The following DLG1 variants were observed in gnomAD, a reference collection of about 807,000 sequenced individuals.
DLG1 encodes the protein disks large homolog 1.
DLG1 carries 42 observed loss-of-function variants against 123.4 expected under a neutral mutation model. The ratio of observed to expected loss-of-function variants is 0.34; its 90% CI spans 0.27 to 0.44. DLG1 has a LOEUF of 0.44. DLG1 is among the 20% of genes least tolerant of loss of function. DLG1 has a pLI of 1.00. For synonymous variants in DLG1, 317 were observed against 356.2 expected (o/e 0.89, Z 1.24); for missense variants, 942 against 1,082.6 (o/e 0.87, Z 1.82).
intron 19 of DLG1, 143 bp downstream of exon 19, chr3:197,069,076 A>G (rs1056779011): frequency 2.1e-6 from 1 of 472,380 alleles, no homozygotes. Context: ...TTTCAAGTAC[A>G]GAATTTTACT....
intron 1 of DLG1, 160 bp from the exon 2 acceptor site, chr3:197,297,395 A>C: frequency 7.0e-7 from 1 of 1,435,928 alleles, no homozygotes; most frequent in Non-Finnish European, 9.1e-7. Flanking sequence ...TTGTCTGTCA[A>C]CGTGGAAAGC....
At chr3:197,193,824 C>CTT (rs541980236) in intron 5 of DLG1, among the ~76,000 whole-genome samples, 39 of 143,756 alleles carry the variant, frequency 2.7e-4, no homozygotes, top group African/African-American at 9.2e-4. Flanking sequence ...TGTTAATGCT[C>CTT]TTTTTTTTTT....
chr3:197,097,204 T>C (rs879260672), intron 14 of DLG1, among the ~76,000 whole-genome samples: 1 of 152,222 alleles, frequency 6.6e-6, no homozygotes, highest in Non-Finnish European at 1.5e-5. Context: ...AACTGTGTCA[T>C]AGGGCCCAGA....
chr3:197,101,334 T>C (rs1435776600), intron 14 of DLG1, among the ~76,000 whole-genome samples: 1 of 152,142 alleles, frequency 6.6e-6, no homozygotes, highest in Non-Finnish European at 1.5e-5. Context: ...AAACATAACA[T>C]GGTTCGTATC....
chr3:197,104,641 C>T (rs1765339968), intron 14 of DLG1, among the ~76,000 whole-genome samples: 1 of 151,894 alleles, frequency 6.6e-6, no homozygotes, highest in Admixed American at 6.6e-5. Flanking sequence ...GAGTTCGCAC[C>T]ACTGCACTCC....
intron 4 of DLG1, among the ~76,000 whole-genome samples, chr3:197,239,561 T>C (rs1747782211): frequency 6.8e-6 from 1 of 147,504 alleles, no homozygotes; most frequent in African/African-American, 2.5e-5. Flanking sequence ...TGAACAGTGA[T>C]ACAAAAATCC....
chr3:197,123,768 G>C (rs1210884577), intron 11 of DLG1, among the ~76,000 whole-genome samples: 1 of 152,064 alleles, frequency 6.6e-6, no homozygotes, highest in African/African-American at 2.4e-5. Context: ...ACAAGGATGT[G>C]CAAAAACATC....
chr3:197,261,755 T>C (rs1759543092), intron 4 of DLG1, among the ~76,000 whole-genome samples: 1 of 152,110 alleles, frequency 6.6e-6, no homozygotes, highest in African/African-American at 2.4e-5. Flanking sequence ...ATCAATGTTG[T>C]TATTACTATT....
chr3:197,233,115 A>G (rs1251174960), intron 4 of DLG1, among the ~76,000 whole-genome samples: 1 of 152,220 alleles, frequency 6.6e-6, no homozygotes, highest in Non-Finnish European at 1.5e-5. Context: ...TACAAGAGTA[A>G]AATAAAAAAA....
At chr3:197,267,838 CT>C (rs1181178664) in intron 4 of DLG1, among the ~76,000 whole-genome samples, 4 of 151,992 alleles carry the variant, frequency 2.6e-5, no homozygotes, top group African/African-American at 7.2e-5. Flanking sequence ...CTGAGAAGTA[CT>C]TTTTTCTGTT....
At chr3:197,290,624 A>G (rs1358025088) in intron 3 of DLG1, among the ~76,000 whole-genome samples, 2 of 152,162 alleles carry the variant, frequency 1.3e-5, no homozygotes, top group Non-Finnish European at 2.9e-5. Flanking sequence ...AAAAAGTAAG[A>G]GTGGAAGGAA....
intron 4 of DLG1, among the ~76,000 whole-genome samples, chr3:197,277,909 G>A (rs1767275072): frequency 6.6e-6 from 1 of 151,846 alleles, no homozygotes; most frequent in Non-Finnish European, 1.5e-5. Context: ...TGAGGTGGGA[G>A]GACTGCTGGA....
chr3:197,169,226 T>C (rs1271492565), intron 5 of DLG1, among the ~76,000 whole-genome samples: 1 of 152,184 alleles, frequency 6.6e-6, no homozygotes, highest in Non-Finnish European at 1.5e-5. Context: ...TAAATGTATA[T>C]TGAATGAGCC....
At chr3:197,109,414 T>C (rs139245213) in intron 13 of DLG1, among the ~76,000 whole-genome samples, 1,931 of 152,350 alleles carry the variant, frequency 0.013, 27 homozygotes, top group Middle Eastern at 0.068. Context: ...ACCTAGTTTC[T>C]TTACCCGCCT....
chr3:197,272,791 A>T (rs1034247801), intron 4 of DLG1, among the ~76,000 whole-genome samples: 4 of 152,236 alleles, frequency 2.6e-5, no homozygotes, highest in Non-Finnish European at 4.4e-5. Flanking sequence ...ACGCAAAACT[A>T]ATCTATGATG....
chr3:197,221,228 A>C (rs73088408), intron 4 of DLG1, among the ~76,000 whole-genome samples: 1 of 152,184 alleles, frequency 6.6e-6, no homozygotes, highest in African/African-American at 2.4e-5. Flanking sequence ...ATAAAGAAAC[A>C]TAACAGGGAC....
At chr3:197,071,549 G>C (rs1280137927) in intron 18 of DLG1, among the ~76,000 whole-genome samples, 1 of 151,956 alleles carries the variant, frequency 6.6e-6, no homozygotes, top group Non-Finnish European at 1.5e-5. Context: ...TCAAAGTATG[G>C]TCCTTAGAAT....
intron 19 of DLG1, among the ~76,000 whole-genome samples, chr3:197,068,783 G>A (rs1272577332): frequency 6.6e-6 from 1 of 152,018 alleles, no homozygotes; most frequent in Non-Finnish European, 1.5e-5. Context: ...CCAAGTGCTG[G>A]TGATAAACAA....
chr3:197,152,809 A>AT (rs1057306654), intron 5 of DLG1, among the ~76,000 whole-genome samples: 3 of 150,848 alleles, frequency 2.0e-5, no homozygotes, highest in Admixed American at 2.0e-4. Context: ...GGCTGGGCAC[A>AT]TGGCTCACCC....
Sources: allele counts gnomAD v4.1 joint callset (sites outside exome capture counted in the v4.1 genomes callset), GRCh38; gene constraint gnomAD v4.1.1; transcripts MANE v1.5; gene names NCBI Gene and HGNC (gene_info 2026-07-23, HGNC 2026-07-21).